PRKD3: variants seen among roughly 807,000 people sequenced by gnomAD.
PRKD3 encodes the protein protein kinase D3.
Under a neutral mutation model 99.2 loss-of-function variants are expected in PRKD3, and 47 were observed. That is an observed-to-expected ratio of 0.47 (90% confidence interval 0.38 to 0.60). PRKD3 has a LOEUF of 0.60. PRKD3 is among the 20% of genes least tolerant of loss of function. The pLI is 0.00. For missense variants in PRKD3, 1,019 were observed against 1,088.4 expected (o/e 0.94, Z 0.90); for synonymous variants, 392 against 355.4 (o/e 1.10, Z -1.16).
At chr2:37,297,893 C>T (rs772995830) in intron 2 of PRKD3, among the ~76,000 whole-genome samples, 2 of 152,282 alleles carry the variant, frequency 1.3e-5, no homozygotes, top group East Asian at 3.9e-4. Flanking sequence ...ACTCTCCCCC[C>T]ACCCTTTTCT....
At chr2:37,320,842 A>T (rs951403277) in intron 1 of PRKD3, among the ~76,000 whole-genome samples, 3 of 152,168 alleles carry the variant, frequency 2.0e-5, no homozygotes, top group African/African-American at 7.2e-5. Context: ...TATCAGAACA[A>T]ATTACAACTA....
intron 2 of PRKD3, among the ~76,000 whole-genome samples, chr2:37,300,278 G>A (rs1670862315): frequency 6.6e-6 from 1 of 152,098 alleles, no homozygotes; most frequent in African/African-American, 2.4e-5. Flanking sequence ...GGCACAGAAA[G>A]ACAAGTATTG....
At position 37,321,411 on chromosome 2, in the gene PRKD3, G is replaced by C. The variant is rs186843029; in HGVS notation, c.-656+3270C>G. On this transcript the variant is annotated intron_variant, in intron 1 of 18. Coordinates refer to ENST00000234179, the MANE Select transcript of PRKD3 (RefSeq NM_005813.6). ...GGTGAAACAAAGGCCCTGGAGGTGA[G>C]AGGACTTACTTGAGGATTATCTCAC... Among the ~76,000 whole-genome samples, 202 of 152,250 alleles carry C rather than the reference G, an allele frequency of 1.3e-3. 2 individuals carry two copies. Among genetic ancestry groups the C allele is most frequent in the South Asian group, 4.8e-3 (23 of 4,820 alleles).
rs745406511 is a variant in PRKD3, at chr2:37,316,317, G to A, written c.208C>T (p.Arg70Trp). Residue 70 changes from arginine to tryptophan, a missense_variant, in exon 2 of 19, where the codon CGG (arginine) becomes TGG (tryptophan). Physicochemically the swap from Arg to Trp is moderately radical, Grantham distance 101. Transcript: ENST00000234179. ...VSFLLQIGLT[R>W]ESVTIEAQEL... ...TGGGCTTCAATGGTAACACTCTCCC[G>A]TGTGAGGCCAATTTGCAGTAGAAAT... 1.2e-6 allele frequency: 2 copies of A among 1,614,192 alleles called. No individual in the cohort carries two copies. The highest frequency in any genetic ancestry group is 2.2e-5 in the East Asian group (1 of 44,890).
chr2:37,274,795 A>G (rs1669477298), intron 10 of PRKD3, 98 bp from the exon 11 acceptor site: 1 of 1,167,998 alleles, frequency 8.6e-7, no homozygotes, highest in Non-Finnish European at 1.2e-6. Flanking sequence ...AATGAATGCC[A>G]TTAAGACGGA....
At chr2:37,322,581 T>TA (rs1204156065) in intron 1 of PRKD3, among the ~76,000 whole-genome samples, 1 of 152,234 alleles carries the variant, frequency 6.6e-6, no homozygotes, top group Non-Finnish European at 1.5e-5. Context: ...TGACAGATGT[T>TA]AGTCTCTGCA....
At chr2:37,259,786 G>A in intron 15 of PRKD3, 105 bp from the exon 16 acceptor site, 1 of 759,820 alleles carries the variant, frequency 1.3e-6, no homozygotes, top group Non-Finnish European at 2.2e-6. Flanking sequence ...AGTTCATCAA[G>A]ACTTAGCTAA....
At chr2:37,302,107 A>T (rs1411333189) in intron 2 of PRKD3, among the ~76,000 whole-genome samples, 2 of 152,236 alleles carry the variant, frequency 1.3e-5, no homozygotes, top group Non-Finnish European at 2.9e-5. Context: ...TTTGAAAACC[A>T]GACAAGTCCA....
rs572087144 is a variant in PRKD3, at chr2:37,251,189, C to A, written c.*1988G>T. On this transcript the variant is annotated 3_prime_UTR_variant, in exon 19 of 19. Transcript: ENST00000234179. Reference sequence around the variant, plus strand: ...TCATCCTCTATCACAGGGAAAATAACATTTCTAAAAAAAAATTTTTTTTGA... The same window carrying A: ...TCATCCTCTATCACAGGGAAAATAAAATTTCTAAAAAAAAATTTTTTTTGA... 21 of 152,556 alleles carry A rather than the reference C, an allele frequency of 1.4e-4. No homozygotes were observed. The highest frequency in any genetic ancestry group is 4.6e-4 in the African/African-American group (19 of 41,522). The allele number at this position is 152,556 out of a possible 1,614,324, so 9.5% of individuals were successfully genotyped here. A position where few individuals can be genotyped will look rare whatever the true frequency, so the allele number is the denominator to read the frequency against.
At chr2:37,287,268 GAA>G (rs1188992020) in intron 5 of PRKD3, among the ~76,000 whole-genome samples, 15 of 88,202 alleles carry the variant, frequency 1.7e-4, no homozygotes, top group African/African-American at 8.4e-4. Flanking sequence ...AAAAAAAAAA[GAA>G]AAAGAAAAAG....
At chr2:37,298,411 ATT>A (rs34916722) in intron 2 of PRKD3, among the ~76,000 whole-genome samples, 1 of 150,174 alleles carries the variant, frequency 6.7e-6, no homozygotes, top group African/African-American at 2.4e-5. Context: ...TAACAAAGTT[ATT>A]TTTTTTTTTA....
intron 4 of PRKD3, 81 bp downstream of exon 4, chr2:37,290,787 C>T: frequency 4.2e-6 from 6 of 1,427,428 alleles, no homozygotes; most frequent in Non-Finnish European, 3.8e-6. Flanking sequence ...AACAGCTCGT[C>T]ATCTTGCTTT....
chr2:37,274,342 A>T lies in PRKD3; in HGVS notation c.1651+79T>A. On this transcript the variant is annotated intron_variant, in intron 11 of 18. Transcript: ENST00000234179. ...TAAGCTTAGGATGAACATTAAAAGG[A>T]ACAAAGGAACACAACCATACCCACA... The T allele has an allele frequency of 3.3e-6, 5 of 1,498,272 alleles. 1 individual carries two copies. The South Asian group carries it at 6.2e-5, about 19-fold the overall frequency. The allele number at this position is 1,498,272 out of a possible 1,614,324, so 92.8% of individuals were successfully genotyped here.
At chr2:37,305,422 A>G (rs1286642684) in intron 2 of PRKD3, among the ~76,000 whole-genome samples, 3 of 152,214 alleles carry the variant, frequency 2.0e-5, no homozygotes, top group Admixed American at 6.5e-5. Context: ...CTGTCTACCA[A>G]TTCCTTTCTC....
chr2:37,268,756 TG>T (rs1176202671), intron 13 of PRKD3: 2 of 155,020 alleles, frequency 1.3e-5, no homozygotes, highest in African/African-American at 4.8e-5. Context: ...TAAACAGGAC[TG>T]AAAGATAGAA....
intron 18 of PRKD3, among the ~76,000 whole-genome samples, chr2:37,253,883 T>A (rs1047444631): frequency 6.6e-6 from 1 of 152,162 alleles, no homozygotes; most frequent in African/African-American, 2.4e-5. Context: ...AAAAATCTCT[T>A]CAATGCAAAA....
In PRKD3 at chr2:37,269,599, G is replaced by A. The variant is rs1246768657; in HGVS notation, c.1777+16C>T. ...AAAATAATGTGTACAATATGCAAAC[G>A]GCTGTAGTTGCTTACCTCCATAAAC... On this transcript the variant is annotated intron_variant, in intron 13 of 18. Transcript: ENST00000234179. 3 of 1,592,696 alleles carry A rather than the reference G, an allele frequency of 1.9e-6. No homozygotes were observed. The highest frequency in any genetic ancestry group is 1.7e-5 in the Admixed American group (1 of 59,982).
chr2:37,319,338 T>C (rs1279802646), intron 1 of PRKD3, among the ~76,000 whole-genome samples: 1 of 152,222 alleles, frequency 6.6e-6, no homozygotes, highest in African/African-American at 2.4e-5. Context: ...GGAAAGTCTT[T>C]ACGGAACTGC....
At chr2:37,280,813 G>C (rs532367401) in intron 7 of PRKD3, among the ~76,000 whole-genome samples, 3 of 152,148 alleles carry the variant, frequency 2.0e-5, no homozygotes, top group Non-Finnish European at 2.9e-5. Context: ...CTTACGAAGT[G>C]AAATGAAAGC....
Sources: allele counts gnomAD v4.1 joint callset (sites outside exome capture counted in the v4.1 genomes callset), GRCh38; gene constraint gnomAD v4.1.1; transcripts MANE v1.5; gene names NCBI Gene and HGNC (gene_info 2026-07-23, HGNC 2026-07-21).